Variants in GLG1 observed in about 807,000 individuals in gnomAD.
GLG1 encodes Golgi apparatus protein 1.
GLG1 carries 38 observed loss-of-function variants against 160.5 expected under a neutral mutation model. That is an observed-to-expected ratio of 0.24 (90% CI 0.18 to 0.31). The LOEUF (loss-of-function observed/expected upper bound fraction) is 0.31. GLG1 is among the 10% of genes least tolerant of loss of function. The pLI, the probability that GLG1 is intolerant of heterozygous loss-of-function variation, is 1.00. For synonymous variants in GLG1, 644 were observed against 543.4 expected (o/e 1.19, Z -2.57); for missense variants, 1,373 against 1,505.2 (o/e 0.91, Z 1.45).
intron 25 of GLG1, among the ~76,000 whole-genome samples, chr16:74,454,751 C>T (rs1032739359): frequency 1.4e-5 from 2 of 145,460 alleles, no homozygotes; most frequent in South Asian, 2.2e-4. Context: ...AAGCTGGTCT[C>T]GAACTCCTGG....
At chr16:74,577,580 G>T (rs2019041079) in intron 1 of GLG1, among the ~76,000 whole-genome samples, 1 of 151,352 alleles carries the variant, frequency 6.6e-6, no homozygotes, top group African/African-American at 2.4e-5. Flanking sequence ...AACAGGAAGG[G>T]GTAAGTATTC....
intron 22 of GLG1, among the ~76,000 whole-genome samples, chr16:74,460,187 A>T (rs914552089): frequency 6.6e-6 from 1 of 152,052 alleles, no homozygotes; most frequent in African/African-American, 2.4e-5. Context: ...ATGCCCAGCT[A>T]ATTTTGTACT....
rs3973383 is a variant in GLG1 at position 74,494,403 on chromosome 16, C to CT, written c.1050+356dup. 5.6e-3 allele frequency among the ~76,000 whole-genome samples: 390 copies of CT among 70,070 alleles called. 7 individuals carry two copies. Among genetic ancestry groups the CT allele is most frequent in the Admixed American group, 9.1e-3 (51 of 5,574 alleles). The allele number at this position is 70,070 out of a possible 152,430, so 46.0% of individuals were successfully genotyped here. On this transcript the variant is annotated intron_variant, in intron 6 of 25. Coordinates refer to ENST00000422840, the MANE Select transcript of GLG1 (RefSeq NM_001145667.2). ...TATTGTTTCAGAGAAATTGAGAAAG[C>CT]TTTTTTTTTTTTTTTTTTTTTGAGA...
At chr16:74,483,819 G>A (rs925362004) in intron 9 of GLG1, among the ~76,000 whole-genome samples, 5 of 151,784 alleles carry the variant, frequency 3.3e-5, no homozygotes, top group Non-Finnish European at 5.9e-5. Context: ...CACCACGCCC[G>A]GCTAATTTTT....
Position 74,483,138 on chromosome 16 carries a change from G to A in GLG1, c.1572-14C>T. The stretch of plus-strand genomic sequence containing the variant: ...CACGACAAGATCCTAGCCATTAAAT[G>A]TGTAAAATTGTAACAAGAGAGAAGT... On this transcript the variant is annotated splice_polypyrimidine_tract_variant and intron_variant, in intron 9 of 25. Transcript: ENST00000422840. 10 of 1,433,758 alleles carry A rather than the reference G, an allele frequency of 7.0e-6. No individual in the cohort carries two copies. Among genetic ancestry groups the A allele is most frequent in the Non-Finnish European group, 9.8e-6 (10 of 1,016,122 alleles). 88.8% of individuals were successfully genotyped at this position (1,433,758 alleles called of 1,614,324 possible).
chr16:74,560,232 T>C (rs1597347519), intron 1 of GLG1, among the ~76,000 whole-genome samples: 1 of 151,696 alleles, frequency 6.6e-6, no homozygotes, highest in Non-Finnish European at 1.5e-5. Flanking sequence ...AAGGTCTGAA[T>C]AGAACAAAAA....
chr16:74,464,400 A>G (rs2143197463), intron 19 of GLG1, among the ~76,000 whole-genome samples: 1 of 152,312 alleles, frequency 6.6e-6, no homozygotes, highest in South Asian at 2.1e-4. Flanking sequence ...AGTAAAGGGT[A>G]GGGTCCTGTA....
At chr16:74,500,270 G>A (rs1219301670) in intron 4 of GLG1, among the ~76,000 whole-genome samples, 1 of 152,012 alleles carries the variant, frequency 6.6e-6, no homozygotes, top group Non-Finnish European at 1.5e-5. Context: ...GGTTTAAAAA[G>A]TTATTAATAC....
At chr16:74,480,213 A>G (rs1012400223) in intron 11 of GLG1, 28 bp downstream of exon 11, 9 of 1,549,494 alleles carry the variant, frequency 5.8e-6, no homozygotes, top group Non-Finnish European at 8.0e-6. Context: ...GACAAGAAGA[A>G]GAAATGAAGT....
chr16:74,529,809 G>GTGT (rs1567505844), intron 2 of GLG1, among the ~76,000 whole-genome samples: 1 of 104,100 alleles, frequency 9.6e-6, no homozygotes, highest in Non-Finnish European at 1.8e-5. Context: ...CTCTTTGAGA[G>GTGT]TTCTTTTTTT....
intron 1 of GLG1, among the ~76,000 whole-genome samples, chr16:74,586,352 A>G (rs1267888536): frequency 6.6e-6 from 1 of 152,152 alleles, no homozygotes; most frequent in African/African-American, 2.4e-5. Context: ...CTGAAAGGAA[A>G]TCTTTTATCT....
intron 12 of GLG1, 71 bp from the exon 13 acceptor site, chr16:74,474,703 C>T (rs898571409): frequency 3.8e-6 from 3 of 790,826 alleles, no homozygotes; most frequent in East Asian, 2.4e-5. Flanking sequence ...GAGATATCAG[C>T]GTCATGACAC....
Position 74,480,297 on chromosome 16 carries a change from C to A in GLG1, c.1771G>T (p.Ala591Ser). The stretch of plus-strand genomic sequence containing the variant: ...TGTCTGTATAAACAAGAGAACACAG[C>A]TCCCTGAGGCATAAATTCACTGGTC... ...NETSEFMPQG[A>S]VFSCLYRHAY... The change falls in exon 11 of 26, where the codon GCT (alanine) becomes TCT (serine). Residue 591 changes from alanine (A) to serine (S), a missense_variant. Transcript: ENST00000422840. 6.2e-7 allele frequency: 1 copy of A among 1,613,238 alleles called. No homozygotes were observed. The highest frequency in any genetic ancestry group is 8.5e-7 in the Non-Finnish European group (1 of 1,179,118).
chr16:74,588,391 T>A (rs764287851), intron 1 of GLG1, among the ~76,000 whole-genome samples: 1 of 152,154 alleles, frequency 6.6e-6, no homozygotes, highest in Non-Finnish European at 1.5e-5. Context: ...TTTAAAAGAT[T>A]TGAATTTAAG....
intron 1 of GLG1, among the ~76,000 whole-genome samples, chr16:74,577,638 T>C (rs774626046): frequency 1.3e-5 from 2 of 151,852 alleles, no homozygotes; most frequent in Admixed American, 6.6e-5. Context: ...TTTGGAGACA[T>C]TGTCTCATTC....
chr16:74,561,412 T>C (rs993030642), intron 1 of GLG1, among the ~76,000 whole-genome samples: 14 of 152,196 alleles, frequency 9.2e-5, no homozygotes, highest in Admixed American at 5.2e-4. Context: ...AGAACGTTCA[T>C]GGAAAGTAAT....
At chr16:74,556,061 G>A (rs6564141) in intron 1 of GLG1, among the ~76,000 whole-genome samples, 110,790 of 151,952 alleles carry the variant, frequency 0.73, 40,890 homozygotes, top group African/African-American at 0.84. Context: ...CTAGTCTCCA[G>A]CTCCTGGGCT....
At chr16:74,538,951 G>A (rs1301460662) in intron 1 of GLG1, among the ~76,000 whole-genome samples, 3 of 151,838 alleles carry the variant, frequency 2.0e-5, no homozygotes. Flanking sequence ...AAGTCTTATA[G>A]GCGGTTGTGG....
chr16:74,495,471 G>A (rs758228268), intron 5 of GLG1, among the ~76,000 whole-genome samples: 5 of 152,174 alleles, frequency 3.3e-5, no homozygotes, highest in Non-Finnish European at 5.9e-5. Flanking sequence ...TACATCAGTG[G>A]CTCTGATGGT....
Sources: gnomAD v4.1 joint callset for allele counts (sites outside exome capture counted in the v4.1 genomes callset) on GRCh38, gnomAD v4.1.1 for gene constraint, MANE v1.5 for transcripts, NCBI Gene and HGNC (gene_info 2026-07-23, HGNC 2026-07-21) for gene names.